The following ACSM1 variants were observed in gnomAD, a reference collection of about 807,000 sequenced individuals.
ACSM1 encodes the protein acyl-CoA synthetase medium chain family member 1.
In ACSM1, 79 loss-of-function variants were observed where a neutral mutation model predicts 75.8. The ratio of observed to expected loss-of-function variants is 1.04; its 90% confidence interval spans 0.87 to 1.26. ACSM1 has a LOEUF of 1.26. ACSM1 is among the 50% of genes most tolerant of loss of function. The probability of loss-of-function intolerance (pLI) is 0.00; values close to 1 mark genes in which losing one functional copy is unlikely to be tolerated. For missense variants in ACSM1, 676 were observed against 720.1 expected (o/e 0.94, Z 0.70); for synonymous variants, 279 against 265.8 (o/e 1.05, Z -0.48).
intron 10 of ACSM1, among the ~76,000 whole-genome samples, chr16:20,633,270 T>G (rs1446107869): frequency 6.6e-6 from 1 of 152,104 alleles, no homozygotes; most frequent in Non-Finnish European, 1.5e-5. Context: ...CCGAAGAATT[T>G]TACACACTCA....
In ACSM1 at chr16:20,691,093, T is replaced by A. The variant is rs778335017; in HGVS notation, c.96A>T (p.Leu32Phe). 1.1e-5 allele frequency: 18 copies of A among 1,613,636 alleles called. No individual in the cohort carries two copies. The East Asian group carries it at 3.3e-4, about 30-fold the overall frequency. ...TCCATCTTGGGGCTCCAAATTCTGATAAAGACCGGCAGCGCAGCTGTGAAG... is the reference window on the plus strand; with the variant it reads ...TCCATCTTGGGGCTCCAAATTCTGAAAAAGACCGGCAGCGCAGCTGTGAAG... ...PAPSQLRCRS[L>F]SEFGAPRWND... Residue 32 changes from leucine (L) to phenylalanine (F), a missense_variant, in exon 2 of 14, where the codon TTA becomes TTT. By Grantham distance (22) the Leu-to-Phe change is conservative (BLOSUM62 0). Transcript: ENST00000520010.
In ACSM1 at chr16:20,637,364, A is replaced by G; in HGVS notation, c.1197+7T>C. Reference sequence around the variant, plus strand: ...ACTGCTCCCTGCCAATGCCCTTAGGACCAGACCTGGACGTCGTAGGGTGGA... The same window carrying G: ...ACTGCTCCCTGCCAATGCCCTTAGGGCCAGACCTGGACGTCGTAGGGTGGA... On this transcript the variant is annotated splice_region_variant and intron_variant, in intron 9 of 13. Coordinates refer to ENST00000520010, the MANE Select transcript of ACSM1 (RefSeq NM_001318890.3). 6.2e-7 allele frequency: 1 copy of G among 1,613,870 alleles called. No homozygotes were observed. Among genetic ancestry groups the G allele is most frequent in the South Asian group, 1.1e-5 (1 of 91,080 alleles).
At position 20,682,365 on chromosome 16, in the gene ACSM1, G is replaced by T; in HGVS notation, c.502C>A (p.Leu168Ile). 6.2e-7 allele frequency: 1 copy of T among 1,614,062 alleles called. No homozygotes were observed. The highest frequency in any genetic ancestry group is 1.1e-5 in the South Asian group (1 of 91,068). ...KAKGIVTIDALASEVDSIASQ... is the reference protein window; with the variant it reads ...KAKGIVTIDAIASEVDSIASQ... Reference sequence around the variant, plus strand: ...GCTATGGAGTCCACCTCTGAGGCAAGGGCATCTATGGTCACAATGCCCTTG... The same window carrying T: ...GCTATGGAGTCCACCTCTGAGGCAATGGCATCTATGGTCACAATGCCCTTG... Residue 168 changes from leucine (L) to isoleucine (I), a missense_variant, in exon 4 of 14, where the codon CTT becomes ATT. Leu to Ile is a conservative substitution (Grantham distance 5, BLOSUM62 2). Coordinates refer to ENST00000520010, the MANE Select transcript of ACSM1 (RefSeq NM_001318890.3).
chr16:20,669,767 T>G (rs1942516115), intron 6 of ACSM1, 60 bp downstream of exon 6: 2 of 1,560,854 alleles, frequency 1.3e-6, no homozygotes, highest in South Asian at 2.3e-5. Context: ...TTTAGCAAGG[T>G]CCAGGAAACA....
At chr16:20,642,713 G>A (rs1206001483) in intron 7 of ACSM1, among the ~76,000 whole-genome samples, 1 of 152,200 alleles carries the variant, frequency 6.6e-6, no homozygotes. Flanking sequence ...CTGGGTCTAT[G>A]ACAACGTAAT....
chr16:20,692,753 C>T (rs945139006), intron 1 of ACSM1, among the ~76,000 whole-genome samples: 1 of 152,016 alleles, frequency 6.6e-6, no homozygotes, highest in Non-Finnish European at 1.5e-5. Context: ...TCTTGTTATG[C>T]CAGAGTCTGA....
intron 10 of ACSM1, among the ~76,000 whole-genome samples, chr16:20,627,864 G>GTATACATACATATATACA: frequency 2.2e-5 from 1 of 46,384 alleles, no homozygotes; most frequent in African/African-American, 9.8e-5. Flanking sequence ...CTCTCTGTAT[G>GTATACATACATATATACA]TATACATATA....
chr16:20,639,671 G>A (rs914203889), intron 8 of ACSM1, among the ~76,000 whole-genome samples: 2 of 152,200 alleles, frequency 1.3e-5, no homozygotes, highest in African/African-American at 4.8e-5. Flanking sequence ...GGACAAATTA[G>A]CCTAGAACTC....
At chr16:20,688,662 T>A (rs1275442420) in intron 2 of ACSM1, among the ~76,000 whole-genome samples, 1 of 152,090 alleles carries the variant, frequency 6.6e-6, no homozygotes, top group Non-Finnish European at 1.5e-5. Context: ...CCAAGAATTT[T>A]ACATCCAGAA....
chr16:20,654,384 A>T (rs1383679874), intron 7 of ACSM1, among the ~76,000 whole-genome samples: 1 of 152,116 alleles, frequency 6.6e-6, no homozygotes, highest in East Asian at 1.9e-4. Context: ...GGCAACAAAA[A>T]CCAAAATCGA....
chr16:20,639,276 G>A (rs960126880), intron 8 of ACSM1, among the ~76,000 whole-genome samples: 1 of 152,168 alleles, frequency 6.6e-6, no homozygotes, highest in Admixed American at 6.5e-5. Flanking sequence ...TGATACTCTG[G>A]AATGACACTG....
chr16:20,647,893 C>G (rs768221858), intron 7 of ACSM1, among the ~76,000 whole-genome samples: 1 of 152,140 alleles, frequency 6.6e-6, no homozygotes, highest in Non-Finnish European at 1.5e-5. Context: ...AGTAGCAGAA[C>G]ACGTTCCTTA....
chr16:20,672,184 A>G (rs1596907705), intron 4 of ACSM1, among the ~76,000 whole-genome samples: 1 of 151,858 alleles, frequency 6.6e-6, no homozygotes, highest in African/African-American at 2.4e-5. Context: ...TCGGCATCCT[A>G]GTCTGTGCCC....
At chr16:20,684,397 A>G (rs1472983103) in intron 3 of ACSM1, among the ~76,000 whole-genome samples, 1 of 152,188 alleles carries the variant, frequency 6.6e-6, no homozygotes, top group African/African-American at 2.4e-5. Context: ...TTCTGTGAAA[A>G]CCACCTTGCT....
At chr16:20,689,370 A>G (rs2079612377) in intron 2 of ACSM1, among the ~76,000 whole-genome samples, 1 of 152,156 alleles carries the variant, frequency 6.6e-6, no homozygotes. Context: ...AACACAAAAG[A>G]TGTCAGTAAG....
intron 4 of ACSM1, 152 bp from the exon 5 acceptor site, chr16:20,671,823 A>G (rs1259502783): frequency 4.1e-6 from 3 of 726,776 alleles, no homozygotes; most frequent in African/African-American, 1.8e-5. Flanking sequence ...CATCACACTG[A>G]CTTGATGGGT....
chr16:20,665,716 C>G (rs10400933), intron 6 of ACSM1, among the ~76,000 whole-genome samples: 1 of 152,082 alleles, frequency 6.6e-6, no homozygotes, highest in Non-Finnish European at 1.5e-5. Flanking sequence ...CCCTGATAAA[C>G]GTAGATGCAA....
At chr16:20,694,757 A>G (rs572038174) in intron 1 of ACSM1, among the ~76,000 whole-genome samples, 1 of 152,344 alleles carries the variant, frequency 6.6e-6, no homozygotes, top group East Asian at 1.9e-4. Flanking sequence ...CCAATATTTC[A>G]GAACACCACT....
At chr16:20,685,901 A>C (rs142440866) in intron 2 of ACSM1, among the ~76,000 whole-genome samples, 15 of 150,760 alleles carry the variant, frequency 9.9e-5, no homozygotes, top group African/African-American at 3.6e-4. Context: ...CTTCTGGCCT[A>C]CTGTAGCCAC....
Sources: gnomAD v4.1 joint callset for allele counts (sites outside exome capture counted in the v4.1 genomes callset) on GRCh38, gnomAD v4.1.1 for gene constraint, MANE v1.5 for transcripts, NCBI Gene and HGNC (gene_info 2026-07-23, HGNC 2026-07-21) for gene names.